ARHGEF28: variants seen among roughly 807,000 people sequenced by gnomAD.
ARHGEF28 encodes the protein Rho guanine nucleotide exchange factor 28.
In ARHGEF28, 152 loss-of-function variants were observed where a neutral mutation model predicts 206.6. The ratio of observed to expected loss-of-function variants is 0.74; its 90% CI spans 0.64 to 0.84. The LOEUF is 0.84. ARHGEF28 is among the 40% of genes least tolerant of loss of function. The probability of loss-of-function intolerance (pLI) is 0.00; values close to 1 mark genes in which losing one functional copy is unlikely to be tolerated. For synonymous variants in ARHGEF28, 763 were observed against 776.4 expected (o/e 0.98, Z 0.29); for missense variants, 2,028 against 2,073.2 (o/e 0.98, Z 0.42).
chr5:73,827,861 T>G (rs972801398), intron 9 of ARHGEF28, among the ~76,000 whole-genome samples: 2 of 152,238 alleles, frequency 1.3e-5, no homozygotes, highest in Non-Finnish European at 2.9e-5. Flanking sequence ...TATTGCAAAT[T>G]ATTTCTATAT....
At chr5:73,930,436 A>C (rs930026630) in intron 35 of ARHGEF28, among the ~76,000 whole-genome samples, 1 of 152,202 alleles carries the variant, frequency 6.6e-6, no homozygotes, top group Non-Finnish European at 1.5e-5. Context: ...CTCACAGCAG[A>C]TTTTGGAGTT....
At chr5:73,776,396 A>G in intron 5 of ARHGEF28, 120 bp from the exon 6 acceptor site, 1 of 796,760 alleles carries the variant, frequency 1.3e-6, no homozygotes, top group South Asian at 2.3e-5. Flanking sequence ...CACGTAGGTG[A>G]CTTTCAAGGA....
At chr5:73,904,811 T>G (rs895198896) in intron 33 of ARHGEF28, 1 of 179,598 alleles carries the variant, frequency 5.6e-6, no homozygotes, top group African/African-American at 2.4e-5. Flanking sequence ...GTTGCTTTAC[T>G]CTTTTGTTTG....
chr5:73,626,601 G>A (rs1389030290), intron 1 of ARHGEF28, among the ~76,000 whole-genome samples: 1 of 152,154 alleles, frequency 6.6e-6, no homozygotes, highest in Non-Finnish European at 1.5e-5. Flanking sequence ...ACTGAGAGCC[G>A]GGGGCTGGGC....
chr5:73,775,653 G>C (rs1189496521), intron 5 of ARHGEF28, among the ~76,000 whole-genome samples: 1 of 152,210 alleles, frequency 6.6e-6, no homozygotes, highest in Non-Finnish European at 1.5e-5. Context: ...CATAGAGCTA[G>C]TTCTGTGAAT....
chr5:73,657,902 C>A (rs1474110023), intron 1 of ARHGEF28, among the ~76,000 whole-genome samples: 1 of 152,212 alleles, frequency 6.6e-6, no homozygotes, highest in Non-Finnish European at 1.5e-5. Context: ...AGCCATTAAA[C>A]CCAATCTTCT....
At chr5:73,800,382 T>G (rs1481826103) in intron 9 of ARHGEF28, among the ~76,000 whole-genome samples, 2 of 152,196 alleles carry the variant, frequency 1.3e-5, no homozygotes, top group Non-Finnish European at 2.9e-5. Context: ...CAAGTATTTA[T>G]TTCCCTCCAA....
chr5:73,885,637 T>C lies in ARHGEF28; in HGVS notation c.3056-213T>C, dbSNP rs370448756. 1.6e-3 allele frequency among the ~76,000 whole-genome samples: 248 copies of C among 152,158 alleles called. 1 individual carries two copies. Among genetic ancestry groups the C allele is most frequent in the African/African-American group, 5.6e-3 (233 of 41,498 alleles). On this transcript the variant is annotated intron_variant, in intron 24 of 35. Coordinates refer to ENST00000513042, the MANE Select transcript of ARHGEF28 (RefSeq NM_001177693.2). Reference sequence around the variant, plus strand: ...GACAAAAGGCACATGCCACTATGCCTGGCTAATTTTTGTATCTTTTTTGGT... The same window carrying C: ...GACAAAAGGCACATGCCACTATGCCCGGCTAATTTTTGTATCTTTTTTGGT...
intron 1 of ARHGEF28, among the ~76,000 whole-genome samples, chr5:73,662,213 C>T (rs1324328776): frequency 6.6e-6 from 1 of 152,152 alleles, no homozygotes; most frequent in Non-Finnish European, 1.5e-5. Flanking sequence ...TAAAACTTAG[C>T]ATTTAGTTTC....
chr5:73,845,061 AG>A, intron 11 of ARHGEF28, among the ~76,000 whole-genome samples: 1 of 120,896 alleles, frequency 8.3e-6, no homozygotes, highest in Non-Finnish European at 1.6e-5. Flanking sequence ...TCTTTTGCCC[AG>A]GCTGGAGTGC....
chr5:73,773,846 C>T lies in ARHGEF28; in HGVS notation c.476-9C>T, dbSNP rs1328690216. The T allele has an allele frequency of 1.9e-6, 3 of 1,575,668 alleles. No individual in the cohort carries two copies. The highest frequency in any genetic ancestry group is 1.9e-5 in the Admixed American group (1 of 52,704). On this transcript the variant is annotated splice_polypyrimidine_tract_variant and intron_variant, in intron 4 of 35. Coordinates refer to ENST00000513042, the MANE Select transcript of ARHGEF28 (RefSeq NM_001177693.2). ...GGAACTAATATGGTATGTGTTTTTT[C>T]CTCTTCAGTATCTTCTCACAGAGAA...
chr5:73,663,280 G>A (rs960289515), intron 1 of ARHGEF28, among the ~76,000 whole-genome samples: 1 of 152,172 alleles, frequency 6.6e-6, no homozygotes, highest in African/African-American at 2.4e-5. Flanking sequence ...TTTCAAAGAA[G>A]GATGTGGAAC....
intron 10 of ARHGEF28, among the ~76,000 whole-genome samples, 198 bp downstream of exon 10, chr5:73,832,657 C>G (rs889812090): frequency 6.6e-6 from 1 of 152,166 alleles, no homozygotes; most frequent in Non-Finnish European, 1.5e-5. Flanking sequence ...AGACACCTTA[C>G]TCAACCCAGA....
At chr5:73,846,609 T>C in intron 12 of ARHGEF28, 134 bp downstream of exon 12, 1 of 738,346 alleles carries the variant, frequency 1.4e-6, no homozygotes, top group Non-Finnish European at 2.1e-6. Flanking sequence ...CCATGTGATA[T>C]CTGATTGAGT....
chr5:73,884,655 C>G (rs529357320), intron 24 of ARHGEF28, among the ~76,000 whole-genome samples: 1 of 152,188 alleles, frequency 6.6e-6, no homozygotes, highest in African/African-American at 2.4e-5. Context: ...AGCTCTGCCA[C>G]TCATTCATTG....
At chr5:73,736,793 G>A (rs544701734) in intron 2 of ARHGEF28, among the ~76,000 whole-genome samples, 1 of 141,794 alleles carries the variant, frequency 7.1e-6, no homozygotes, top group Non-Finnish European at 1.6e-5. Flanking sequence ...ACCTGCCATG[G>A]TAAGGTTTGT....
chr5:73,806,261 GTATA>G (rs1327405702), intron 9 of ARHGEF28, among the ~76,000 whole-genome samples: 1 of 133,116 alleles, frequency 7.5e-6, no homozygotes, highest in East Asian at 2.3e-4. Context: ...TCGATATATA[GTATA>G]TATAGATATA....
At position 73,909,700 on chromosome 5, in the gene ARHGEF28, G is replaced by C. The variant is rs931600542; in HGVS notation, c.4450G>C (p.Glu1484Gln). ...GGAGCGGGAGTGCCAGTCGCAGGAG[G>C]AGCTGCTGCTGCGGAGCCGGGGCGA... ...ERERECQSQE[E>Q]LLLRSRGELD... The change falls in exon 34 of 36, where the codon GAG (glutamate) becomes CAG (glutamine). Residue 1484 changes from glutamate (E) to glutamine (Q), a missense_variant. Physicochemically the swap from Glu to Gln is conservative, Grantham distance 29 (BLOSUM62 2). Coordinates refer to ENST00000513042, the MANE Select transcript of ARHGEF28 (RefSeq NM_001177693.2). The C allele has an allele frequency of 6.5e-7, 1 of 1,532,942 alleles. No individual in the cohort carries two copies. Among genetic ancestry groups the C allele is most frequent in the Non-Finnish European group, 8.8e-7 (1 of 1,138,486 alleles). The allele number at this position is 1,532,942 out of a possible 1,614,324, so 95.0% of individuals were successfully genotyped here.
chr5:73,806,503 ATATC>A (rs1441875974), intron 9 of ARHGEF28, among the ~76,000 whole-genome samples: 1 of 118,624 alleles, frequency 8.4e-6, no homozygotes, highest in African/African-American at 3.6e-5. Context: ...TATATAGTAT[ATATC>A]TATATATAGT....
Sources: gnomAD v4.1 joint callset for allele counts (sites outside exome capture counted in the v4.1 genomes callset) on GRCh38, gnomAD v4.1.1 for gene constraint, MANE v1.5 for transcripts, NCBI Gene and HGNC (gene_info 2026-07-23, HGNC 2026-07-21) for gene names.